ADAMTS3: variants seen among roughly 807,000 people sequenced by gnomAD.
ADAMTS3 encodes the protein ADAM metallopeptidase with thrombospondin type 1 motif 3.
Under a neutral mutation model 129.0 loss-of-function variants are expected in ADAMTS3, and 73 were observed. The ratio of observed to expected loss-of-function variants is 0.57; its 90% CI spans 0.47 to 0.69. ADAMTS3 has a LOEUF of 0.69. ADAMTS3 is among the 30% of genes least tolerant of loss of function. The pLI, the probability that ADAMTS3 is intolerant of heterozygous loss-of-function variation, is 0.00. For synonymous variants in ADAMTS3, 477 were observed against 510.8 expected, an observed-to-expected ratio of 0.93 and a Z score of 0.89; for missense variants, 1,457 against 1,514.5, an observed-to-expected ratio of 0.96 and a Z score of 0.63.
At chr4:72,394,928 CTT>C in intron 4 of ADAMTS3, among the ~76,000 whole-genome samples, 2 of 142,456 alleles carry the variant, frequency 1.4e-5, no homozygotes, top group African/African-American at 2.6e-5. Flanking sequence ...GCACATTTGG[CTT>C]TTTTTTTTTT....
At chr4:72,380,070 T>A (rs1721244208) in intron 4 of ADAMTS3, among the ~76,000 whole-genome samples, 1 of 152,128 alleles carries the variant, frequency 6.6e-6, no homozygotes, top group Non-Finnish European at 1.5e-5. Flanking sequence ...GGGGTCTACA[T>A]GTCTCAAAGG....
At chr4:72,397,324 G>C (rs1385632411) in intron 4 of ADAMTS3, among the ~76,000 whole-genome samples, 1 of 152,024 alleles carries the variant, frequency 6.6e-6, no homozygotes, top group Non-Finnish European at 1.5e-5. Context: ...TAGCACTTTG[G>C]GAGGCCGAGG....
chr4:72,368,499 A>T (rs1056198388), intron 4 of ADAMTS3, among the ~76,000 whole-genome samples: 1 of 152,246 alleles, frequency 6.6e-6, no homozygotes, highest in South Asian at 2.1e-4. Flanking sequence ...TCTCAATTAC[A>T]TGCCTTTCCA....
rs1300467830 is a variant in ADAMTS3, at chr4:72,283,049, T to C, written c.*87A>G. The C allele has an allele frequency of 3.5e-6, 4 of 1,155,524 alleles. No homozygotes were observed. In the East Asian group the frequency reaches 9.5e-5, roughly 27 times the overall value. The allele number at this position is 1,155,524 out of a possible 1,614,324, so 71.6% of individuals were successfully genotyped here. Reference sequence around the variant, plus strand: ...AAAATGAGCTGACGATCTATAGAGATTTCCACTTTAAACAAGCATATGCAC... The same window carrying C: ...AAAATGAGCTGACGATCTATAGAGACTTCCACTTTAAACAAGCATATGCAC... On this transcript the variant is annotated 3_prime_UTR_variant, in exon 22 of 22. Transcript: ENST00000286657.
intron 3 of ADAMTS3, among the ~76,000 whole-genome samples, chr4:72,482,914 C>T (rs1446801474): frequency 4.4e-4 from 67 of 152,240 alleles, no homozygotes; most frequent in Admixed American, 4.1e-3. Flanking sequence ...CCATGACCAT[C>T]TCAATAGATG....
chr4:72,401,676 T>C (rs1039539695), intron 4 of ADAMTS3, among the ~76,000 whole-genome samples: 5 of 151,916 alleles, frequency 3.3e-5, no homozygotes, highest in Admixed American at 2.0e-4. Context: ...CTGATAATTC[T>C]TTATAAGATT....
intron 3 of ADAMTS3, among the ~76,000 whole-genome samples, chr4:72,453,905 T>A (rs34673404): frequency 0.95 from 139,979 of 147,590 alleles, 66,531 homozygotes; most frequent in Non-Finnish European, 1. Flanking sequence ...ATATGTAAAA[T>A]ATATATATAT....
At chr4:72,313,858 C>T (rs187348506) in intron 11 of ADAMTS3, 36 bp from the exon 12 acceptor site, 39 of 1,611,416 alleles carry the variant, frequency 2.4e-5, no homozygotes, top group South Asian at 1.6e-4. Flanking sequence ...ATTAAAATCA[C>T]GCATACACTA....
intron 4 of ADAMTS3, among the ~76,000 whole-genome samples, chr4:72,389,103 C>T (rs75188969): frequency 0.012 from 1,852 of 152,236 alleles, 38 homozygotes; most frequent in African/African-American, 0.042. Flanking sequence ...AGTTTTGGCA[C>T]AGCAAGCCAC....
intron 3 of ADAMTS3, among the ~76,000 whole-genome samples, chr4:72,540,083 G>A (rs928115846): frequency 6.6e-6 from 1 of 152,138 alleles, no homozygotes; most frequent in Non-Finnish European, 1.5e-5. Context: ...GAAGACAACA[G>A]GAAAATGTGA....
rs1374687215 is a variant in ADAMTS3 at position 72,282,395 on chromosome 4, CT to C, written c.*740del. ...TAGAAGGCAATAGGTAAGCTGATAT[CT>C]GTATATCTATAGCTTTTGTGTTTCT... On this transcript the variant is annotated 3_prime_UTR_variant, in exon 22 of 22. Coordinates refer to ENST00000286657, the MANE Select transcript of ADAMTS3 (RefSeq NM_014243.3). 1 of 152,082 alleles carries C rather than the reference CT, an allele frequency of 6.6e-6. No homozygotes were observed. The highest frequency in any genetic ancestry group is 1.5e-5 in the Non-Finnish European group (1 of 68,036). 9.4% of individuals were successfully genotyped at this position (152,082 alleles called of 1,614,324 possible).
chr4:72,470,685 C>T (rs895353908), intron 3 of ADAMTS3, among the ~76,000 whole-genome samples: 1 of 152,078 alleles, frequency 6.6e-6, no homozygotes, highest in Non-Finnish European at 1.5e-5. Flanking sequence ...TGTTGATATT[C>T]GCACTGGTGG....
intron 5 of ADAMTS3, among the ~76,000 whole-genome samples, chr4:72,331,104 G>A (rs1049527239): frequency 1.3e-5 from 2 of 152,164 alleles, no homozygotes; most frequent in African/African-American, 4.8e-5. Context: ...CAACTGAGAC[G>A]CTTCAGTAAA....
At chr4:72,355,175 C>T (rs1720548975) in intron 4 of ADAMTS3, among the ~76,000 whole-genome samples, 1 of 150,920 alleles carries the variant, frequency 6.6e-6, no homozygotes, top group Non-Finnish European at 1.5e-5. Context: ...TTTCATCAGC[C>T]TAGAAAGTTG....
intron 5 of ADAMTS3, among the ~76,000 whole-genome samples, chr4:72,331,850 C>A (rs1719861266): frequency 6.6e-6 from 1 of 152,192 alleles, no homozygotes; most frequent in Non-Finnish European, 1.5e-5. Flanking sequence ...AAACCATATC[C>A]TCTCTTTTTC....
At chr4:72,384,604 TAA>T (rs1229599542) in intron 4 of ADAMTS3, among the ~76,000 whole-genome samples, 1 of 152,062 alleles carries the variant, frequency 6.6e-6, no homozygotes, top group Admixed American at 6.5e-5. Flanking sequence ...GTAGATCACA[TAA>T]AAACATTTTC....
At chr4:72,484,512 G>C (rs1719527652) in intron 3 of ADAMTS3, among the ~76,000 whole-genome samples, 1 of 152,164 alleles carries the variant, frequency 6.6e-6, no homozygotes, top group African/African-American at 2.4e-5. Context: ...AGTTGTATTT[G>C]ATTCACTGTA....
intron 4 of ADAMTS3, among the ~76,000 whole-genome samples, chr4:72,350,058 C>T (rs1720388124): frequency 6.6e-6 from 1 of 151,940 alleles, no homozygotes; most frequent in South Asian, 2.1e-4. Flanking sequence ...ACTATAATTC[C>T]TAGTCCACAA....
chr4:72,547,201 A>C (rs552404969), intron 3 of ADAMTS3, among the ~76,000 whole-genome samples: 63 of 152,298 alleles, frequency 4.1e-4, no homozygotes, highest in African/African-American at 1.4e-3. Context: ...ATTCTTACCT[A>C]TAATTAGGGC....
Sources: gnomAD v4.1 joint callset for allele counts (sites outside exome capture counted in the v4.1 genomes callset) on GRCh38, gnomAD v4.1.1 for gene constraint, MANE v1.5 for transcripts, NCBI Gene and HGNC (gene_info 2026-07-23, HGNC 2026-07-21) for gene names.